STRADA: variants seen among roughly 807,000 people sequenced by gnomAD.
STRADA encodes STE20 related adaptor alpha, also known as STE20-related kinase adapter protein alpha.
Under a neutral mutation model 55.0 loss-of-function variants are expected in STRADA, and 26 were observed. The ratio of observed to expected loss-of-function variants is 0.47; its 90% CI spans 0.35 to 0.66. STRADA has a LOEUF of 0.66. Among genes scored for constraint, STRADA ranks in the 30% least tolerant of loss-of-function variants. The pLI is 0.01. For missense variants in STRADA, 443 were observed against 549.7 expected (o/e 0.81, Z 1.94); for synonymous variants, 197 against 210.9 (o/e 0.93, Z 0.57).
At chr17:63,707,217 A>G in intron 9 of STRADA, 30 bp downstream of exon 9, 4 of 1,611,312 alleles carry the variant, frequency 2.5e-6, no homozygotes, top group Non-Finnish European at 3.4e-6. Context: ...TGAGTTGGGT[A>G]GGGGAGCTCC....
chr17:63,738,362 A>C lies in STRADA; in HGVS notation c.-45+3379T>G, dbSNP rs2038609742. Reference sequence around the variant, plus strand: ...ACTCAAAAAAAAAAAAAAAAAGAGAAAAGAAAAAGAAAATGAAAAAAAGAA... The same window carrying C: ...ACTCAAAAAAAAAAAAAAAAAGAGACAAGAAAAAGAAAATGAAAAAAAGAA... On this transcript the variant is annotated intron_variant, in intron 1 of 12. Coordinates refer to ENST00000336174, the MANE Select transcript of STRADA (RefSeq NM_001003787.4). Among the ~76,000 whole-genome samples, 4 of 151,606 alleles carry C rather than the reference A, an allele frequency of 2.6e-5. No homozygotes were observed. In the South Asian group the frequency reaches 8.3e-4, roughly 32 times the overall value.
chr17:63,707,612 T>G (rs1057153018), intron 8 of STRADA, 194 bp from the exon 9 acceptor site: 14 of 576,034 alleles, frequency 2.4e-5, no homozygotes, highest in Non-Finnish European at 4.2e-5. Flanking sequence ...CCGGCTAGAG[T>G]GCAGTGGCTC....
chr17:63,735,015 C>T lies in STRADA; in HGVS notation c.-44-6602G>A, dbSNP rs573631653. On this transcript the variant is annotated intron_variant, in intron 1 of 12. Coordinates refer to ENST00000336174, the MANE Select transcript of STRADA (RefSeq NM_001003787.4). ...TCTAATAAAAAATATAAAAATTAGGCATGGTGGCGGGCACCTGTAAGCTCA... is the reference window on the plus strand; with the variant it reads ...TCTAATAAAAAATATAAAAATTAGGTATGGTGGCGGGCACCTGTAAGCTCA... Among the ~76,000 whole-genome samples, 10 of 152,156 alleles carry T rather than the reference C, an allele frequency of 6.6e-5. 1 individual carries two copies. Among genetic ancestry groups the T allele is most frequent in the Non-Finnish European group, 1.5e-4 (10 of 68,000 alleles).
In STRADA at chr17:63,706,616, C is replaced by T. The variant is rs369063763; in HGVS notation, c.858+19G>A. The stretch of plus-strand genomic sequence containing the variant: ...GAAGGCAAGCAGGCAAGAAGGAAAC[C>T]GATGGGCGGCAGGCTTACCTGGGTG... On this transcript the variant is annotated intron_variant, in intron 10 of 12. Coordinates refer to ENST00000336174, the MANE Select transcript of STRADA (RefSeq NM_001003787.4). The T allele has an allele frequency of 1.9e-4, 302 of 1,597,500 alleles. 2 individuals carry two copies. Among genetic ancestry groups the T allele is most frequent in the Non-Finnish European group, 2.5e-4 (292 of 1,167,494 alleles).
chr17:63,740,107 T>TATATATATATATATATATATACAC (rs1309095081), intron 1 of STRADA, among the ~76,000 whole-genome samples: 933 of 49,492 alleles, frequency 0.019, 105 homozygotes, highest in African/African-American at 0.04. Flanking sequence ...TATATATATA[T>TATATATATATATATATATATACAC]ACATACATAC....
chr17:63,709,830 T>C (rs749628025), intron 8 of STRADA, among the ~76,000 whole-genome samples: 28 of 152,144 alleles, frequency 1.8e-4, no homozygotes, highest in Non-Finnish European at 3.1e-4. Context: ...GTCTTCGCCC[T>C]GGTCTCTCAG....
chr17:63,725,673 C>CT (rs1036898528), intron 3 of STRADA: 26 of 132,626 alleles, frequency 2.0e-4, no homozygotes, highest in South Asian at 4.9e-4. Flanking sequence ...TCTTTCTTTC[C>CT]TTTTTTTTTT....
intron 12 of STRADA, 34 bp downstream of exon 12, chr17:63,703,971 T>TAGAACC (rs3830487): frequency 0.35 from 568,364 of 1,611,340 alleles, 105,140 homozygotes; most frequent in South Asian, 0.56. Context: ...GAACCAGAAC[T>TAGAACC]AGAACCAGAA....
chr17:63,708,174 A>G (rs2036244254), intron 8 of STRADA, among the ~76,000 whole-genome samples: 2 of 150,908 alleles, frequency 1.3e-5, no homozygotes, highest in Non-Finnish European at 3.0e-5. Context: ...AATCACCGTG[A>G]CCGGCCTATA....
At chr17:63,728,435 G>T in intron 1 of STRADA, 22 bp from the exon 2 acceptor site, 1 of 1,413,916 alleles carries the variant, frequency 7.1e-7, no homozygotes, top group Non-Finnish European at 9.7e-7. Flanking sequence ...ATAGAAACAG[G>T]TTGAGTTAGC....
intron 2 of STRADA, chr17:63,726,939 CT>C: frequency 1.9e-6 from 1 of 534,442 alleles, no homozygotes; most frequent in South Asian, 2.6e-5. Context: ...ATAGATAGTA[CT>C]GGCTGTAATA....
chr17:63,725,252 T>C (rs7501614), intron 3 of STRADA, among the ~76,000 whole-genome samples: 106,487 of 152,038 alleles, frequency 0.7, 38,724 homozygotes, highest in African/African-American at 0.92. Context: ...AACAACAAAA[T>C]AAAACAAGAC....
chr17:63,725,363 A>C (rs1338188075), intron 3 of STRADA, among the ~76,000 whole-genome samples: 1 of 152,018 alleles, frequency 6.6e-6, no homozygotes, highest in Non-Finnish European at 1.5e-5. Flanking sequence ...TTTGAGACGG[A>C]GTCTCAAAAA....
chr17:63,726,805 C>T, intron 2 of STRADA, 110 bp from the exon 3 acceptor site: 4 of 1,074,818 alleles, frequency 3.7e-6, no homozygotes, highest in Admixed American at 2.0e-5. Context: ...CAGAATCATG[C>T]AGTACAGTTA....
At chr17:63,706,226 T>G in intron 10 of STRADA, 1 of 157,686 alleles carries the variant, frequency 6.3e-6, no homozygotes. Context: ...AGAATGGGGG[T>G]TCCAAAGGTG....
chr17:63,738,685 C>T (rs999178698), intron 1 of STRADA, among the ~76,000 whole-genome samples: 51 of 151,802 alleles, frequency 3.4e-4, no homozygotes, highest in African/African-American at 1.2e-3. Flanking sequence ...TGGTGAAACC[C>T]CATCTCTCCT....
intron 10 of STRADA, chr17:63,704,929 G>A (rs2035982763): frequency 2.0e-6 from 3 of 1,533,552 alleles, no homozygotes; most frequent in African/African-American, 1.4e-5. Flanking sequence ...GGAGCAGTCA[G>A]ATGAACCTGC....
intron 1 of STRADA, among the ~76,000 whole-genome samples, chr17:63,735,392 A>T (rs2038349843): frequency 6.6e-6 from 1 of 152,202 alleles, no homozygotes; most frequent in African/African-American, 2.4e-5. Context: ...GGCTTGCCGA[A>T]TCTCAACGTT....
At chr17:63,730,148 T>C (rs1235345121) in intron 1 of STRADA, among the ~76,000 whole-genome samples, 4 of 152,170 alleles carry the variant, frequency 2.6e-5, no homozygotes, top group Non-Finnish European at 5.9e-5. Flanking sequence ...TGTCTCTCTT[T>C]CCTTATACAC....
Sources: gnomAD v4.1 joint callset for allele counts (sites outside exome capture counted in the v4.1 genomes callset) on GRCh38, gnomAD v4.1.1 for gene constraint, MANE v1.5 for transcripts, NCBI Gene and HGNC (gene_info 2026-07-23, HGNC 2026-07-21) for gene names.